DPYD: variants seen among roughly 807,000 people sequenced by gnomAD.
DPYD encodes dihydropyrimidine dehydrogenase [NADP(+)].
A neutral mutation model predicts 116.2 loss-of-function variants in DPYD; 109 were observed. The observed-to-expected ratio is 0.94, with a 90% CI of 0.80 to 1.10. The LOEUF (loss-of-function observed/expected upper bound fraction) is 1.10. Ranked by LOEUF, DPYD falls within the 50% of genes least tolerant of loss-of-function variation. The pLI is 0.00. For missense variants in DPYD, 1,302 were observed against 1,254.5 expected (o/e 1.04, Z -0.57); for synonymous variants, 440 against 432.0 (o/e 1.02, Z -0.23).
intron 13 of DPYD, among the ~76,000 whole-genome samples, chr1:97,511,960 T>C (rs549922883): frequency 7.8e-4 from 118 of 152,048 alleles, no homozygotes; most frequent in African/African-American, 1.1e-3. Context: ...AGATGCACTA[T>C]AGAAAAGCAA....
intron 14 of DPYD, among the ~76,000 whole-genome samples, chr1:97,425,127 T>C (rs1674791702): frequency 6.6e-6 from 1 of 152,062 alleles, no homozygotes; most frequent in Admixed American, 6.6e-5. Context: ...ATTTGAAATC[T>C]CCAGATGATA....
At chr1:97,824,790 G>C (rs1416829383) in intron 3 of DPYD, among the ~76,000 whole-genome samples, 3 of 152,096 alleles carry the variant, frequency 2.0e-5, no homozygotes, top group Non-Finnish European at 4.4e-5. Context: ...ATTTTCCTAA[G>C]CCCTGTATTT....
intron 20 of DPYD, among the ~76,000 whole-genome samples, chr1:97,175,779 C>T (rs531614449): frequency 3.3e-5 from 5 of 152,308 alleles, no homozygotes; most frequent in Non-Finnish European, 5.9e-5. Flanking sequence ...GAATCAAGTG[C>T]ATCTCTTATT....
chr1:97,527,074 C>CT (rs538034659), intron 12 of DPYD, among the ~76,000 whole-genome samples: 442 of 144,692 alleles, frequency 3.1e-3, no homozygotes, highest in African/African-American at 7.0e-3. Context: ...TGCCCCCAAC[C>CT]TTTTTTTTTT....
intron 18 of DPYD, among the ~76,000 whole-genome samples, chr1:97,242,122 G>GTATATATATA (rs1353473800): frequency 1.8e-4 from 13 of 71,590 alleles, no homozygotes; most frequent in African/African-American, 2.5e-4. Context: ...GTGTGTGCGT[G>GTATATATATA]TGTATATATA....
intron 20 of DPYD, among the ~76,000 whole-genome samples, chr1:97,149,824 C>A (rs928814666): frequency 2.0e-5 from 3 of 152,204 alleles, no homozygotes; most frequent in African/African-American, 7.2e-5. Flanking sequence ...ATAATGATGT[C>A]TGTAACTTCA....
chr1:97,899,112 T>A (rs77419753), intron 1 of DPYD, among the ~76,000 whole-genome samples: 1 of 151,610 alleles, frequency 6.6e-6, no homozygotes, highest in South Asian at 2.1e-4. Flanking sequence ...TTTTTTTTTT[T>A]AATGCCAAAG....
chr1:97,484,043 G>A (rs1239246618), intron 13 of DPYD, among the ~76,000 whole-genome samples: 1 of 152,124 alleles, frequency 6.6e-6, no homozygotes, highest in South Asian at 2.1e-4. Flanking sequence ...CATGGCTCAC[G>A]TCTGTAATCA....
At chr1:97,431,497 T>C (rs1225375995) in intron 14 of DPYD, among the ~76,000 whole-genome samples, 2 of 152,182 alleles carry the variant, frequency 1.3e-5, no homozygotes, top group Non-Finnish European at 2.9e-5. Flanking sequence ...CTGATATTGT[T>C]CCACAGGTAT....
chr1:97,546,293 C>G lies in DPYD; in HGVS notation c.1524+3267G>C. The G allele has an allele frequency of 9.1e-6, 13 of 1,436,114 alleles. 1 individual carries two copies. The South Asian group carries it at 1.4e-4, about 16-fold the overall frequency. 89.0% of individuals were successfully genotyped at this position (1,436,114 alleles called of 1,614,324 possible). Reference sequence around the variant, plus strand: ...AACCTTTAAAAAAAAAAACCTGCACCTGTGCTATTACCACAGTCAAAGCAA... The same window carrying G: ...AACCTTTAAAAAAAAAAACCTGCACGTGTGCTATTACCACAGTCAAAGCAA... On this transcript the variant is annotated intron_variant, in intron 12 of 22. Coordinates refer to ENST00000370192, the MANE Select transcript of DPYD (RefSeq NM_000110.4).
At chr1:97,602,174 C>T (rs948225458) in intron 8 of DPYD, among the ~76,000 whole-genome samples, 2 of 151,884 alleles carry the variant, frequency 1.3e-5, no homozygotes, top group African/African-American at 4.8e-5. Context: ...CTGATACATG[C>T]TGAATTTCTC....
At chr1:97,377,015 GA>G (rs925837668) in intron 15 of DPYD, among the ~76,000 whole-genome samples, 40 of 124,766 alleles carry the variant, frequency 3.2e-4, no homozygotes, top group Middle Eastern at 4.0e-3. Flanking sequence ...CTCAAAAAAA[GA>G]AAAAAAAAAG....
chr1:97,168,138 G>A (rs1039579444), intron 20 of DPYD, among the ~76,000 whole-genome samples: 1 of 152,110 alleles, frequency 6.6e-6, no homozygotes, highest in African/African-American at 2.4e-5. Context: ...TTTTAAGCGT[G>A]ATATTCTCCA....
intron 22 of DPYD, among the ~76,000 whole-genome samples, chr1:97,080,257 T>C (rs1262043214): frequency 6.6e-6 from 1 of 152,094 alleles, no homozygotes; most frequent in African/African-American, 2.4e-5. Context: ...TCCACCCCCA[T>C]GGTACCCCTT....
intron 1 of DPYD, among the ~76,000 whole-genome samples, chr1:97,920,497 A>C (rs755530435): frequency 5.3e-5 from 8 of 152,152 alleles, no homozygotes; most frequent in Non-Finnish European, 1.2e-4. Flanking sequence ...TCCAGAAACG[A>C]CATACAGGAG....
intron 14 of DPYD, among the ~76,000 whole-genome samples, chr1:97,418,324 A>C (rs1031412247): frequency 1.6e-5 from 2 of 128,826 alleles, no homozygotes; most frequent in Admixed American, 1.6e-4. Context: ...TTTTTTTTTG[A>C]GATGGAGTCT....
At chr1:97,497,954 A>G (rs1679362002) in intron 13 of DPYD, among the ~76,000 whole-genome samples, 2 of 151,866 alleles carry the variant, frequency 1.3e-5, no homozygotes, top group African/African-American at 2.4e-5. Context: ...ATGAATGGAT[A>G]AACAAGAGTG....
intron 2 of DPYD, among the ~76,000 whole-genome samples, chr1:97,830,465 G>A (rs906040336): frequency 6.6e-6 from 1 of 152,070 alleles, no homozygotes; most frequent in African/African-American, 2.4e-5. Flanking sequence ...TGTAATCCCA[G>A]CACTTTGGGA....
chr1:97,733,419 C>A (rs992291481), intron 4 of DPYD, among the ~76,000 whole-genome samples: 1 of 151,928 alleles, frequency 6.6e-6, no homozygotes, highest in African/African-American at 2.4e-5. Flanking sequence ...ACATCCTCCC[C>A]TTTTTTGTTT....
Sources: gnomAD v4.1 joint callset for allele counts (sites outside exome capture counted in the v4.1 genomes callset) on GRCh38, gnomAD v4.1.1 for gene constraint, MANE v1.5 for transcripts, NCBI Gene and HGNC (gene_info 2026-07-23, HGNC 2026-07-21) for gene names.